Variants in UBE2C observed in about 807,000 individuals in gnomAD.
UBE2C encodes ubiquitin-conjugating enzyme E2 C.
Under a neutral mutation model 23.5 loss-of-function variants are expected in UBE2C, and 16 were observed. The ratio of observed to expected loss-of-function variants is 0.68; its 90% CI spans 0.46 to 1.03. UBE2C has a LOEUF of 1.03. Among genes scored for constraint, UBE2C ranks in the 50% least tolerant of loss-of-function variants. The probability of loss-of-function intolerance (pLI) is 0.00; values close to 1 mark genes in which losing one functional copy is unlikely to be tolerated. For synonymous variants in UBE2C, 76 were observed against 91.6 expected, an observed-to-expected ratio of 0.83 and a Z score of 0.97; for missense variants, 192 against 227.6, an observed-to-expected ratio of 0.84 and a Z score of 1.01.
chr20:45,814,271 C>CACATATATATATATATAT (rs1982256977), intron 2 of UBE2C, 113 bp from the exon 3 acceptor site: 1 of 339,610 alleles, frequency 2.9e-6, no homozygotes, highest in Non-Finnish European at 5.3e-6. Context: ...TGTATGTGAG[C>CACATATATATATATATAT]ATATATATAT....
chr20:45,815,475 G>A, intron 3 of UBE2C, 66 bp from the exon 4 acceptor site: 1 of 1,614,176 alleles, frequency 6.2e-7, no homozygotes, highest in Non-Finnish European at 8.5e-7. Flanking sequence ...CCCCTTGTGT[G>A]GGGCTTGGGT....
chr20:45,812,950 C>G (rs1350859921), intron 1 of UBE2C, 154 bp downstream of exon 1: 1 of 1,431,870 alleles, frequency 7.0e-7, no homozygotes, highest in Admixed American at 2.9e-5. Flanking sequence ...GCCTGGCATT[C>G]CCCTGGGCAT....
chr20:45,812,715 A>G lies in UBE2C; in HGVS notation c.20A>G (p.Asp7Gly). ...GCCCGGATGGCTTCCCAAAACCGCG[A>G]CCCAGCCGCCACTAGCGTCGCCGCC... MASQNR[D>G]PAATSVAAAR... The change falls in exon 1 of 6, where the codon GAC becomes GGC. Residue 7 changes from aspartate to glycine, a missense_variant. Coordinates refer to ENST00000356455, the MANE Select transcript of UBE2C (RefSeq NM_007019.4). The G allele has an allele frequency of 6.4e-7, 1 of 1,550,592 alleles. No homozygotes were observed. The highest frequency in any genetic ancestry group is 1.2e-5 in the South Asian group (1 of 84,084).
At chr20:45,815,275 T>G in intron 3 of UBE2C, 2 of 1,073,444 alleles carry the variant, frequency 1.9e-6, no homozygotes, top group Non-Finnish European at 2.7e-6. Context: ...TCTCAGCACT[T>G]TGGGAGGCTG....
At chr20:45,813,363 G>C in intron 1 of UBE2C, 74 bp from the exon 2 acceptor site, 1 of 1,613,076 alleles carries the variant, frequency 6.2e-7, no homozygotes, top group East Asian at 2.2e-5. Flanking sequence ...CTGAGATTCA[G>C]GTGGGAGAAG....
chr20:45,815,831 C>CTTCTCT, intron 4 of UBE2C, 23 bp from the exon 5 acceptor site: 1 of 1,613,990 alleles, frequency 6.2e-7, no homozygotes, highest in Non-Finnish European at 8.5e-7. Context: ...CCGCCTTGAC[C>CTTCTCT]TTCTCTTTCT....
intron 2 of UBE2C, among the ~76,000 whole-genome samples, chr20:45,813,796 G>A (rs551196855): frequency 5.9e-5 from 9 of 152,124 alleles, no homozygotes; most frequent in Admixed American, 5.9e-4. Context: ...GCTTTATTTT[G>A]GATCAGAGTG....
intron 5 of UBE2C, 124 bp downstream of exon 5, chr20:45,816,037 C>G (rs1982518797): frequency 1.1e-6 from 1 of 946,792 alleles, no homozygotes; most frequent in Non-Finnish European, 1.6e-6. Flanking sequence ...TCGGCAGCAA[C>G]CCACTTCTGT....
rs115972142 is a variant in UBE2C at position 45,816,795 on chromosome 20, C to T, written c.*28C>T. 6.2e-3 allele frequency: 9,877 copies of T among 1,600,534 alleles called. 63 individuals are homozygous for T. Among genetic ancestry groups the T allele is most frequent in the African/African-American group, 0.018 (1,362 of 74,074 alleles). ...CAGGCTGCCCAGCCTGTCCTTGTGT[C>T]GTCTTTTTAATTTTTCCTTAGATGG... On this transcript the variant is annotated 3_prime_UTR_variant, in exon 6 of 6. Coordinates refer to ENST00000356455, the MANE Select transcript of UBE2C (RefSeq NM_007019.4).
intron 5 of UBE2C, 27 bp downstream of exon 5, chr20:45,815,940 G>T: frequency 6.2e-7 from 1 of 1,612,704 alleles, no homozygotes; most frequent in South Asian, 1.1e-5. Flanking sequence ...TGAGCCCAGG[G>T]TGATCCCTCC....
Position 45,816,695 on chromosome 20 carries a change from C to T in UBE2C, c.482-14C>T, listed in dbSNP as rs1469581069. ...GTCTCCATCACTCACTGAGACCTGC[C>T]TGTTCTCTTCCAGCTTTTAAGAAGT... On this transcript the variant is annotated splice_polypyrimidine_tract_variant and intron_variant, in intron 5 of 5. Coordinates refer to ENST00000356455, the MANE Select transcript of UBE2C (RefSeq NM_007019.4). 1.9e-6 allele frequency: 3 copies of T among 1,612,988 alleles called. No homozygotes were observed. The highest frequency in any genetic ancestry group is 1.7e-4 in the Middle Eastern group (1 of 6,052).
At chr20:45,816,532 G>A (rs568380408) in intron 5 of UBE2C, among the ~76,000 whole-genome samples, 177 bp from the exon 6 acceptor site, 36 of 152,326 alleles carry the variant, frequency 2.4e-4, no homozygotes, top group African/African-American at 8.7e-4. Flanking sequence ...AGCTACTCAG[G>A]AGGCTGAGGC....
At position 45,815,723 on chromosome 20, in the gene UBE2C, C is replaced by G. The variant is rs1982470637; in HGVS notation, c.399C>G (p.Leu133=). 7.4e-6 allele frequency: 12 copies of G among 1,613,992 alleles called. No homozygotes were observed. The highest frequency in any genetic ancestry group is 1.0e-5 in the Non-Finnish European group (12 of 1,179,910). Residue 133 remains leucine, a synonymous_variant, in exon 4 of 6, where the codon CTC becomes CTG. Coordinates refer to ENST00000356455, the MANE Select transcript of UBE2C (RefSeq NM_007019.4). ...TGTATGATGTCAGGACCATTCTGCT[C>G]TCCATCCAGAGCCTTCTAGGAGGTG... The part of the protein sequence containing the change: ...SALYDVRTIL[L]SIQSLLGEPN...
chr20:45,815,838 TTCTC>T lies in UBE2C; in HGVS notation c.422-13_422-10del. 1 of 1,614,034 alleles carries T rather than the reference TTCTC, an allele frequency of 6.2e-7. No individual in the cohort carries two copies. Among genetic ancestry groups the T allele is most frequent in the South Asian group, 1.1e-5 (1 of 91,080 alleles). On this transcript the variant is annotated splice_polypyrimidine_tract_variant and intron_variant, in intron 4 of 5. Transcript: ENST00000356455. The stretch of plus-strand genomic sequence containing the variant: ...CTCTTCTACCGCCTTGACCTTCTCT[TTCTC>T]TCCACCCACAGAACCCAACATTGAT...
At chr20:45,814,173 T>TA (rs1420713522) in intron 2 of UBE2C, among the ~76,000 whole-genome samples, 18 of 150,286 alleles carry the variant, frequency 1.2e-4, no homozygotes, top group Admixed American at 6.0e-4. Context: ...TAAATATATA[T>TA]TTTTTAGTAG....
chr20:45,815,429 C>A, intron 3 of UBE2C, 112 bp from the exon 4 acceptor site: 1 of 1,613,784 alleles, frequency 6.2e-7, no homozygotes, highest in Non-Finnish European at 8.5e-7. Flanking sequence ...AGTTTGTCTA[C>A]TGTCCGGTCC....
rs536536292 is a variant in UBE2C, at chr20:45,813,294, A to G, written c.102-143A>G. The G allele has an allele frequency of 3.4e-4, 527 of 1,552,644 alleles. No individual in the cohort carries two copies. The highest frequency in any genetic ancestry group is 4.4e-4 in the Non-Finnish European group (507 of 1,156,934). On this transcript the variant is annotated intron_variant, in intron 1 of 5. Coordinates refer to ENST00000356455, the MANE Select transcript of UBE2C (RefSeq NM_007019.4). ...CTAGGATCGTCCTGTGGATCTGGTG[A>G]GTATACCCTGAGCTGAGCCTGACCT...
chr20:45,815,492 A>G, intron 3 of UBE2C, 49 bp from the exon 4 acceptor site: 1 of 1,614,180 alleles, frequency 6.2e-7, no homozygotes, highest in Non-Finnish European at 8.5e-7. Context: ...GGGTTGGGAC[A>G]TGAGGCTGCT....
chr20:45,814,146 C>CTATATA (rs1555817446), intron 2 of UBE2C, among the ~76,000 whole-genome samples: 1 of 133,896 alleles, frequency 7.5e-6, no homozygotes, highest in African/African-American at 2.7e-5. Context: ...CTCTCTCTCT[C>CTATATA]TATATATATA....
Sources: allele counts gnomAD v4.1 joint callset (sites outside exome capture counted in the v4.1 genomes callset), GRCh38; gene constraint gnomAD v4.1.1; transcripts MANE v1.5; gene names NCBI Gene and HGNC (gene_info 2026-07-23, HGNC 2026-07-21).